JARID2: variants seen among roughly 807,000 people sequenced by gnomAD.
The protein encoded by JARID2 is protein Jumonji.
JARID2 carries 21 observed loss-of-function variants against 125.6 expected under a neutral mutation model. The ratio of observed to expected loss-of-function variants is 0.17; its 90% CI spans 0.12 to 0.24. The LOEUF (loss-of-function observed/expected upper bound fraction) is 0.24, where lower values mean the gene tolerates loss of function less well. Among genes scored for constraint, JARID2 ranks in the 10% least tolerant of loss-of-function variants. The pLI is 1.00. For synonymous variants in JARID2, 736 were observed against 661.6 expected (o/e 1.11, Z -1.73); for missense variants, 1,303 against 1,639.6 (o/e 0.79, Z 3.55).
chr6:15,452,441 T>C (rs1767960267), intron 4 of JARID2, among the ~76,000 whole-genome samples: 1 of 152,190 alleles, frequency 6.6e-6, no homozygotes, highest in Non-Finnish European at 1.5e-5. Context: ...ATGCAGTTTC[T>C]AACTTTGACT....
chr6:15,278,350 G>A (rs1276907316), intron 1 of JARID2, among the ~76,000 whole-genome samples: 1 of 152,176 alleles, frequency 6.6e-6, no homozygotes, highest in African/African-American at 2.4e-5. Flanking sequence ...ACTTTGGGAG[G>A]CTGAGGCGGG....
At chr6:15,468,831 T>A in intron 5 of JARID2, 113 bp downstream of exon 5, 1 of 1,011,392 alleles carries the variant, frequency 9.9e-7, no homozygotes, top group Non-Finnish European at 1.4e-6. Context: ...TCTGGGTACT[T>A]CTCCAGGGCC....
Position 15,517,150 on chromosome 6 carries a change from C to G in JARID2, c.3451-11C>G, listed in dbSNP as rs372428017. Reference sequence around the variant, plus strand: ...CCTCCTGACCTTCGGGTGTCCTGCTCTTGCTTGCAGGTGGTACAAGAGAAC... The same window carrying G: ...CCTCCTGACCTTCGGGTGTCCTGCTGTTGCTTGCAGGTGGTACAAGAGAAC... On this transcript the variant is annotated splice_polypyrimidine_tract_variant and intron_variant, in intron 16 of 17. Transcript: ENST00000341776. 11 of 1,605,080 alleles carry G rather than the reference C, an allele frequency of 6.9e-6. No homozygotes were observed.
chr6:15,253,504 T>C (rs1356662500), intron 1 of JARID2, among the ~76,000 whole-genome samples: 2 of 152,206 alleles, frequency 1.3e-5, no homozygotes, highest in Admixed American at 6.5e-5. Flanking sequence ...CTTTTGTCTT[T>C]CTTGCTCTCT....
At position 15,507,131 on chromosome 6, in the gene JARID2, T is replaced by G. The variant is rs1203237204; in HGVS notation, c.2542-5T>G. The G allele has an allele frequency of 6.3e-7, 1 of 1,593,858 alleles. No homozygotes were observed. The highest frequency in any genetic ancestry group is 8.6e-7 in the Non-Finnish European group (1 of 1,161,662). On this transcript the variant is annotated splice_region_variant and splice_polypyrimidine_tract_variant and intron_variant, in intron 9 of 17. Transcript: ENST00000341776. The stretch of plus-strand genomic sequence containing the variant: ...TGCTGACCAGCCCTTTCCTGTTCCC[T>G]GCAGCAAGAGTACTGGAGGCTAGTG...
chr6:15,263,946 G>A (rs1231459287), intron 1 of JARID2, among the ~76,000 whole-genome samples: 1 of 152,136 alleles, frequency 6.6e-6, no homozygotes, highest in Non-Finnish European at 1.5e-5. Flanking sequence ...AAACTGGAGT[G>A]CCGTGACGTG....
rs1267296138 is a variant in JARID2 at position 15,521,682 on chromosome 6, A to C, written c.*1431A>C. 1 of 152,224 alleles carries C rather than the reference A, an allele frequency of 6.6e-6. No homozygotes were observed. Among genetic ancestry groups the C allele is most frequent in the Non-Finnish European group, 1.5e-5 (1 of 68,046 alleles). 9.4% of individuals were successfully genotyped at this position (152,224 alleles called of 1,614,324 possible). ...GGATTCATCAATCCCGTAGCTACCC[A>C]TATTGCACTGAGCTTGCCAGTGGTG... On this transcript the variant is annotated 3_prime_UTR_variant, in exon 18 of 18. Coordinates refer to ENST00000341776, the MANE Select transcript of JARID2 (RefSeq NM_004973.4).
At chr6:15,338,872 G>T (rs1381758051) in intron 1 of JARID2, among the ~76,000 whole-genome samples, 1 of 152,206 alleles carries the variant, frequency 6.6e-6, no homozygotes, top group African/African-American at 2.4e-5. Flanking sequence ...CAAGTTTTCA[G>T]ATGACCCTGA....
chr6:15,477,588 C>T (rs1769409471), intron 5 of JARID2, among the ~76,000 whole-genome samples: 3 of 149,310 alleles, frequency 2.0e-5, no homozygotes, highest in Non-Finnish European at 3.0e-5. Context: ...ACCCCCTTTA[C>T]GCATTTGGGG....
chr6:15,409,384 G>A (rs948208163), intron 2 of JARID2, among the ~76,000 whole-genome samples: 2 of 152,246 alleles, frequency 1.3e-5, no homozygotes, highest in Non-Finnish European at 2.9e-5. Flanking sequence ...TGACTAGATA[G>A]TGGACAGCGG....
intron 3 of JARID2, among the ~76,000 whole-genome samples, chr6:15,412,871 A>AGAAGTTGAGCCT (rs1309357441): frequency 6.6e-6 from 1 of 152,204 alleles, no homozygotes; most frequent in African/African-American, 2.4e-5. Context: ...TCTGAAGATG[A>AGAAGTTGAGCCT]GAAGTTGAGC....
intron 6 of JARID2, among the ~76,000 whole-genome samples, chr6:15,494,990 T>A (rs1179700774): frequency 6.6e-6 from 1 of 152,180 alleles, no homozygotes; most frequent in South Asian, 2.1e-4. Context: ...ATTTTGTGAT[T>A]TTTAGGCTTC....
chr6:15,349,651 C>T (rs987598639), intron 1 of JARID2, among the ~76,000 whole-genome samples: 11 of 152,194 alleles, frequency 7.2e-5, no homozygotes, highest in African/African-American at 2.6e-4. Flanking sequence ...GAAGGGATTC[C>T]ATGAAGGGAA....
At chr6:15,283,186 G>A (rs547949006) in intron 1 of JARID2, among the ~76,000 whole-genome samples, 22 of 149,122 alleles carry the variant, frequency 1.5e-4, no homozygotes, top group Admixed American at 4.7e-4. Context: ...CACCGTGTTA[G>A]CCAGGACGGT....
At chr6:15,296,347 T>A (rs1038463583) in intron 1 of JARID2, among the ~76,000 whole-genome samples, 3 of 152,216 alleles carry the variant, frequency 2.0e-5, no homozygotes, top group Non-Finnish European at 2.9e-5. Flanking sequence ...TAACACGATA[T>A]TCTCTGCATC....
intron 3 of JARID2, among the ~76,000 whole-genome samples, chr6:15,432,367 G>A (rs994438098): frequency 1.3e-5 from 2 of 152,146 alleles, no homozygotes; most frequent in Non-Finnish European, 2.9e-5. Context: ...GGCAGAGGTG[G>A]CAGTGAGCTG....
intron 2 of JARID2, among the ~76,000 whole-genome samples, chr6:15,406,098 G>C (rs533126517): frequency 6.6e-6 from 1 of 152,178 alleles, no homozygotes. Context: ...AGTTGATCAC[G>C]TGCAGAATAA....
chr6:15,254,791 G>C (rs993873802), intron 1 of JARID2, among the ~76,000 whole-genome samples: 3 of 152,090 alleles, frequency 2.0e-5, no homozygotes, highest in Non-Finnish European at 4.4e-5. Context: ...CGTAATCCCA[G>C]CACTTTCGAA....
At chr6:15,443,101 A>T (rs1767517396) in intron 3 of JARID2, among the ~76,000 whole-genome samples, 1 of 151,272 alleles carries the variant, frequency 6.6e-6, no homozygotes, top group Non-Finnish European at 1.5e-5. Flanking sequence ...AAAAAAAAAG[A>T]TTCACCTTTC....
Sources: allele counts gnomAD v4.1 joint callset (sites outside exome capture counted in the v4.1 genomes callset), GRCh38; gene constraint gnomAD v4.1.1; transcripts MANE v1.5; gene names NCBI Gene and HGNC (gene_info 2026-07-23, HGNC 2026-07-21).